SHQ1: variants seen among roughly 807,000 people sequenced by gnomAD.
The protein encoded by SHQ1 is SHQ1, H/ACA ribonucleoprotein assembly factor.
A neutral mutation model predicts 53.8 loss-of-function variants in SHQ1; 49 were observed. The observed-to-expected ratio is 0.91, with a 90% confidence interval of 0.72 to 1.16. SHQ1 has a LOEUF of 1.16. Ranked by LOEUF, SHQ1 falls within the 50% of genes most tolerant of loss-of-function variation. The pLI, the probability that SHQ1 is intolerant of heterozygous loss-of-function variation, is 0.00. For missense variants in SHQ1, 738 were observed against 683.1 expected (o/e 1.08, Z -0.90); for synonymous variants, 243 against 251.0 (o/e 0.97, Z 0.30).
chr3:72,738,279 T>A, the SHQ1 span, among the ~76,000 whole-genome samples: 1 of 152,160 alleles, frequency 6.6e-6, no homozygotes, highest in African/African-American at 2.4e-5. Flanking sequence ...TGCCTGCCCC[T>A]GCTGAAAACG....
chr3:72,816,036 T>G (rs934290965), intron 7 of SHQ1, among the ~76,000 whole-genome samples: 1 of 152,190 alleles, frequency 6.6e-6, no homozygotes, highest in Admixed American at 6.5e-5. Flanking sequence ...AAAAGACGAG[T>G]GAAAACAAAA....
chr3:72,773,156 G>T, intron 10 of SHQ1: 1 of 744,904 alleles, frequency 1.3e-6, no homozygotes, highest in South Asian at 1.4e-5. Context: ...TTGGAATTTT[G>T]GAAAAAGACA....
intron 9 of SHQ1, chr3:72,794,408 T>C (rs1342349786): frequency 6.6e-6 from 1 of 152,224 alleles, no homozygotes; most frequent in East Asian, 1.9e-4. Context: ...TCCATTTAAG[T>C]GTTCTAAGAA....
intron 10 of SHQ1, among the ~76,000 whole-genome samples, chr3:72,763,383 CA>C (rs1419193560): frequency 6.6e-6 from 1 of 152,102 alleles, no homozygotes; most frequent in Non-Finnish European, 1.5e-5. Flanking sequence ...GTTAACTGTC[CA>C]AATGAAACGG....
chr3:72,753,162 A>G (rs1218187362), intron 10 of SHQ1: 1 of 985,366 alleles, frequency 1.0e-6, no homozygotes, highest in African/African-American at 1.7e-5. Context: ...GAAAGGTGAC[A>G]GTGAGTGAAA....
chr3:72,788,136 C>G (rs988546732), intron 10 of SHQ1, among the ~76,000 whole-genome samples: 9 of 152,146 alleles, frequency 5.9e-5, no homozygotes, highest in Non-Finnish European at 8.8e-5. Flanking sequence ...CGGCCGCCAC[C>G]CCGTCTAGTA....
In SHQ1 at chr3:72,823,311, G is replaced by C. The variant is rs187690783; in HGVS notation, c.727+1113C>G. 1.5e-3 allele frequency among the ~76,000 whole-genome samples: 231 copies of C among 152,102 alleles called. 1 individual carries two copies. Among genetic ancestry groups the C allele is most frequent in the African/African-American group, 5.3e-3 (220 of 41,494 alleles). ...AAAAACATTTATTACAATATTTATA[G>C]ATATTTACTGAGTACCTTTATATAA... On this transcript the variant is annotated intron_variant, in intron 6 of 10. Transcript: ENST00000325599.
intron 10 of SHQ1, among the ~76,000 whole-genome samples, chr3:72,758,516 A>G (rs952054120): frequency 2.0e-5 from 3 of 152,098 alleles, no homozygotes; most frequent in Non-Finnish European, 4.4e-5. Flanking sequence ...TGGTAGCAGA[A>G]AACAAAATAT....
chr3:72,739,616 G>A, the SHQ1 span, among the ~76,000 whole-genome samples: 18 of 152,136 alleles, frequency 1.2e-4, no homozygotes, highest in Non-Finnish European at 2.2e-4. Flanking sequence ...AGGCACTTGT[G>A]GAGCAAGTGG....
chr3:72,736,979 G>T, the SHQ1 span, among the ~76,000 whole-genome samples: 1 of 150,930 alleles, frequency 6.6e-6, no homozygotes, highest in African/African-American at 2.4e-5. Flanking sequence ...TAAGGGTACT[G>T]TAGGGTTAGG....
chr3:72,766,230 T>C (rs573702965), intron 10 of SHQ1, among the ~76,000 whole-genome samples: 1 of 152,306 alleles, frequency 6.6e-6, no homozygotes, highest in East Asian at 1.9e-4. Context: ...TCAAGCTTAG[T>C]GTAAGACACT....
At position 72,749,865 on chromosome 3, in the gene SHQ1, ATCTGTGGGG is replaced by A; in HGVS notation, c.*410_*418del. On this transcript the variant is annotated 3_prime_UTR_variant, in exon 11 of 11. Coordinates refer to ENST00000325599, the MANE Select transcript of SHQ1 (RefSeq NM_018130.3). ...AACAATGTCATAAAGTTGTCCCCGT[ATCTGTGGGG>A]GGTTGGTTCCAGGACTCCTGAGGAT... is the stretch of plus-strand genomic sequence containing the variant. 4.4e-6 allele frequency: 1 copy of A among 226,944 alleles called. No homozygotes were observed. Among genetic ancestry groups the A allele is most frequent in the Non-Finnish European group, 8.7e-6 (1 of 114,480 alleles). 14.1% of individuals were successfully genotyped at this position (226,944 alleles called of 1,614,324 possible).
the SHQ1 span, among the ~76,000 whole-genome samples, chr3:72,729,378 G>A: frequency 1.3e-5 from 2 of 152,162 alleles, no homozygotes; most frequent in Non-Finnish European, 2.9e-5. Context: ...GATTCTTGGA[G>A]CCTGGGGCCG....
chr3:72,766,028 AC>A, intron 10 of SHQ1, among the ~76,000 whole-genome samples: 1 of 152,316 alleles, frequency 6.6e-6, no homozygotes, highest in African/African-American at 2.4e-5. Flanking sequence ...TGAAAAAACA[AC>A]ACAGAACTCA....
At chr3:72,753,360 C>G (rs527689101) in intron 10 of SHQ1, 2 of 985,276 alleles carry the variant, frequency 2.0e-6, no homozygotes, top group African/African-American at 3.5e-5. Flanking sequence ...GCTGATGGTA[C>G]AATGGGAAAT....
At chr3:72,755,861 CATT>C (rs1386605142) in intron 10 of SHQ1, among the ~76,000 whole-genome samples, 1 of 152,142 alleles carries the variant, frequency 6.6e-6, no homozygotes, top group Non-Finnish European at 1.5e-5. Context: ...GGTCAAATGG[CATT>C]ATTAGATAAC....
chr3:72,772,484 T>C (rs577172697), intron 10 of SHQ1: 1 of 520,094 alleles, frequency 1.9e-6, no homozygotes. Context: ...CAAATGCACA[T>C]ACAGATGCAT....
intron 6 of SHQ1, 102 bp downstream of exon 6, chr3:72,824,322 T>G: frequency 1.5e-6 from 2 of 1,365,530 alleles, no homozygotes; most frequent in Non-Finnish European, 2.0e-6. Flanking sequence ...TTTAACATTA[T>G]AAGGCAATTA....
chr3:72,845,387 G>A (rs1269606161), intron 1 of SHQ1, among the ~76,000 whole-genome samples: 1 of 151,934 alleles, frequency 6.6e-6, no homozygotes, highest in Non-Finnish European at 1.5e-5. Context: ...GGAGGCTGAG[G>A]CAGAAGAATC....
Sources: allele counts gnomAD v4.1 joint callset (sites outside exome capture counted in the v4.1 genomes callset), GRCh38; gene constraint gnomAD v4.1.1; transcripts MANE v1.5; gene names NCBI Gene and HGNC (gene_info 2026-07-23, HGNC 2026-07-21).